The following MSH3 variants were observed in gnomAD, a reference collection of about 807,000 sequenced individuals.
MSH3 encodes mutS homolog 3, also known as DNA mismatch repair protein Msh3.
MSH3 carries 106 observed loss-of-function variants against 123.3 expected under a neutral mutation model. That is an observed-to-expected ratio of 0.86 (90% CI 0.73 to 1.01). MSH3 has a LOEUF of 1.01. MSH3 is among the 50% of genes least tolerant of loss of function. The pLI, the probability that MSH3 is intolerant of heterozygous loss-of-function variation, is 0.00. For missense variants in MSH3, 1,459 were observed against 1,347.6 expected (o/e 1.08, Z -1.29); for synonymous variants, 515 against 481.4 (o/e 1.07, Z -0.91).
chr5:80,781,424 T>C (rs1021949275), intron 17 of MSH3, among the ~76,000 whole-genome samples: 1 of 152,070 alleles, frequency 6.6e-6, no homozygotes, highest in Non-Finnish European at 1.5e-5. Context: ...CTAATCATCC[T>C]GGTGTTATTC....
intron 21 of MSH3, among the ~76,000 whole-genome samples, chr5:80,861,900 A>G (rs1746018399): frequency 6.6e-6 from 1 of 151,992 alleles, no homozygotes; most frequent in Non-Finnish European, 1.5e-5. Flanking sequence ...TACAGATCTA[A>G]AGAGTTGATT....
intron 17 of MSH3, 75 bp from the exon 18 acceptor site, chr5:80,787,490 T>A (rs111925056): frequency 2.2e-6 from 2 of 920,060 alleles, no homozygotes; most frequent in African/African-American, 3.3e-5. Flanking sequence ...GATAAAGTGA[T>A]TGCTTGTTGT....
intron 7 of MSH3, among the ~76,000 whole-genome samples, chr5:80,676,805 A>G (rs1749849501): frequency 6.6e-6 from 1 of 152,230 alleles, no homozygotes; most frequent in African/African-American, 2.4e-5. Flanking sequence ...GTGCTATTTT[A>G]TATTTACCTA....
chr5:80,704,830 T>C (rs1284567179), intron 8 of MSH3, among the ~76,000 whole-genome samples: 1 of 152,218 alleles, frequency 6.6e-6, no homozygotes, highest in Non-Finnish European at 1.5e-5. Context: ...GCATGATACC[T>C]TTCCTCTAGT....
intron 17 of MSH3, among the ~76,000 whole-genome samples, chr5:80,783,289 CTTG>C (rs1047595146): frequency 2.6e-5 from 4 of 152,080 alleles, no homozygotes; most frequent in Non-Finnish European, 4.4e-5. Flanking sequence ...GATAAAATTG[CTTG>C]TTGTTATGCT....
chr5:80,720,469 C>G (rs1474703845), intron 8 of MSH3, among the ~76,000 whole-genome samples: 3 of 149,684 alleles, frequency 2.0e-5, no homozygotes, highest in Admixed American at 2.0e-4. Flanking sequence ...AAAATTTCCC[C>G]CTTTCATTTC....
At chr5:80,830,536 C>G (rs1237755667) in intron 20 of MSH3, among the ~76,000 whole-genome samples, 2 of 152,212 alleles carry the variant, frequency 1.3e-5, no homozygotes, top group African/African-American at 2.4e-5. Flanking sequence ...TCCATGATGA[C>G]AGATTAATCT....
intron 10 of MSH3, among the ~76,000 whole-genome samples, chr5:80,731,258 G>A (rs945913219): frequency 6.6e-6 from 1 of 151,944 alleles, no homozygotes; most frequent in African/African-American, 2.4e-5. Context: ...AAAACAAGAT[G>A]TCTATATATA....
chr5:80,717,954 G>C (rs1750997717), intron 8 of MSH3, among the ~76,000 whole-genome samples: 2 of 152,138 alleles, frequency 1.3e-5, no homozygotes, highest in South Asian at 4.1e-4. Context: ...AAAAGTAAAA[G>C]TTTCAGAAGT....
chr5:80,738,854 C>T lies in MSH3; in HGVS notation c.1569-2610C>T, dbSNP rs532610365. On this transcript the variant is annotated intron_variant, in intron 10 of 23. Transcript: ENST00000265081. ...AAGTGATTAGGTTATGAGGGCAGAT[C>T]GTTTGTAAATGGGATTAATGCCCTT... 4.6e-5 allele frequency among the ~76,000 whole-genome samples: 7 copies of T among 152,206 alleles called. No individual in the cohort carries two copies. In the East Asian group the frequency reaches 1.2e-3, roughly 25 times the overall value.
Position 80,659,734 on chromosome 5 carries a change from C to A in MSH3, c.358+3203C>A, listed in dbSNP as rs577729902. Among the ~76,000 whole-genome samples the A allele has an allele frequency of 7.2e-5, 11 of 152,234 alleles. No individual in the cohort carries two copies. The South Asian group carries it at 1.7e-3, about 23-fold the overall frequency. Reference sequence around the variant, plus strand: ...CCACCACCACCATCCATCTCCAGAACTCATTTTATCTTGCATTCCTATAAC... The same window carrying A: ...CCACCACCACCATCCATCTCCAGAAATCATTTTATCTTGCATTCCTATAAC... On this transcript the variant is annotated intron_variant, in intron 2 of 23. Transcript: ENST00000265081.
chr5:80,674,751 T>C (rs1749798491), intron 6 of MSH3, among the ~76,000 whole-genome samples: 4 of 152,148 alleles, frequency 2.6e-5, no homozygotes, highest in Non-Finnish European at 5.9e-5. Flanking sequence ...TTTTTATTTT[T>C]TTATTTTGTA....
At chr5:80,662,826 CAAAA>C (rs34742685) in intron 2 of MSH3, among the ~76,000 whole-genome samples, 20,249 of 113,144 alleles carry the variant, frequency 0.18, 1,960 homozygotes, top group East Asian at 0.36. Flanking sequence ...GACTCTGTCT[CAAAA>C]AAAAAAAAAA....
intron 20 of MSH3, among the ~76,000 whole-genome samples, chr5:80,818,968 G>C (rs1745153377): frequency 6.6e-6 from 1 of 152,134 alleles, no homozygotes; most frequent in Non-Finnish European, 1.5e-5. Context: ...TTCAAACTGT[G>C]CGTATGAAAT....
At chr5:80,840,539 G>A (rs1328438605) in intron 20 of MSH3, among the ~76,000 whole-genome samples, 2 of 151,984 alleles carry the variant, frequency 1.3e-5, no homozygotes, top group African/African-American at 4.8e-5. Flanking sequence ...TCAACCTCCC[G>A]AGTAGCTGGG....
intron 8 of MSH3, among the ~76,000 whole-genome samples, chr5:80,699,898 T>A (rs1750570626): frequency 6.6e-6 from 1 of 152,244 alleles, no homozygotes; most frequent in African/African-American, 2.4e-5. Flanking sequence ...CCTCTGGCGC[T>A]TGAAACCTTT....
chr5:80,672,618 A>T, intron 5 of MSH3, 123 bp from the exon 6 acceptor site: 1 of 856,262 alleles, frequency 1.2e-6, no homozygotes, highest in Non-Finnish European at 2.0e-6. Flanking sequence ...TTTAAACCCT[A>T]CATCTGAACG....
At chr5:80,679,728 A>G (rs1440383885) in intron 8 of MSH3, among the ~76,000 whole-genome samples, 1 of 152,204 alleles carries the variant, frequency 6.6e-6, no homozygotes, top group Non-Finnish European at 1.5e-5. Flanking sequence ...AGAGTTTACA[A>G]CCTCACATGA....
At chr5:80,786,584 T>G (rs908513428) in intron 17 of MSH3, among the ~76,000 whole-genome samples, 9 of 152,238 alleles carry the variant, frequency 5.9e-5, no homozygotes, top group African/African-American at 2.2e-4. Context: ...GAGTAGTTAC[T>G]ATAAAGATTT....
Sources: allele counts gnomAD v4.1 joint callset (sites outside exome capture counted in the v4.1 genomes callset), GRCh38; gene constraint gnomAD v4.1.1; transcripts MANE v1.5; gene names NCBI Gene and HGNC (gene_info 2026-07-23, HGNC 2026-07-21).